The following PLEKHA6 variants were observed in gnomAD, a reference collection of about 807,000 sequenced individuals.
PLEKHA6 encodes the protein pleckstrin homology domain containing A6, also known as pleckstrin homology domain-containing family A member 6.
A neutral mutation model predicts 116.7 loss-of-function variants in PLEKHA6; 60 were observed. That is an observed-to-expected ratio of 0.51 (90% confidence interval 0.42 to 0.64). The LOEUF is 0.64. Ranked by LOEUF, PLEKHA6 falls within the 30% of genes least tolerant of loss-of-function variation. The pLI is 0.00. For missense variants in PLEKHA6, 1,338 were observed against 1,422.7 expected, an observed-to-expected ratio of 0.94 and a Z score of 0.96; for synonymous variants, 489 against 556.1, an observed-to-expected ratio of 0.88 and a Z score of 1.70.
chr1:204,264,397 T>G (rs1292955298), intron 6 of PLEKHA6, among the ~76,000 whole-genome samples: 1 of 152,180 alleles, frequency 6.6e-6, no homozygotes, highest in Non-Finnish European at 1.5e-5. Flanking sequence ...TCTCAAATGG[T>G]TTCTTCGTAA....
In PLEKHA6 at chr1:204,307,779, C is replaced by G. The variant is rs1057485130; in HGVS notation, c.-94-32970G>C. The G allele has an allele frequency of 1.5e-5, 11 of 716,336 alleles. No individual in the cohort carries two copies. The African/African-American group carries it at 1.9e-4, about 13-fold the overall frequency. 44.4% of individuals were successfully genotyped at this position (716,336 alleles called of 1,614,324 possible). A position where few individuals can be genotyped will look rare whatever the true frequency, so the allele number is the denominator to read the frequency against. On this transcript the variant is annotated intron_variant, in intron 1 of 22. Coordinates refer to ENST00000272203, the MANE Select transcript of PLEKHA6 (RefSeq NM_014935.5). ...CTGAGCTAGCCCAGCGGAGCTGAGC[C>G]CAGAGGTGCAGGCACTGGGAGAGAG... is the stretch of plus-strand genomic sequence containing the variant.
chr1:204,324,636 G>C (rs572573094), intron 1 of PLEKHA6, among the ~76,000 whole-genome samples: 6 of 152,366 alleles, frequency 3.9e-5, no homozygotes, highest in Admixed American at 6.5e-5. Flanking sequence ...ATGAGTGAAA[G>C]TGGAGAGACT....
chr1:204,358,768 G>A (rs1314559147), intron 1 of PLEKHA6, among the ~76,000 whole-genome samples: 2 of 151,778 alleles, frequency 1.3e-5, no homozygotes, highest in African/African-American at 4.8e-5. Context: ...TGTGCCCCGG[G>A]GATGGCTCTC....
chr1:204,346,004 G>A (rs906741043), intron 1 of PLEKHA6, among the ~76,000 whole-genome samples: 5 of 152,262 alleles, frequency 3.3e-5, no homozygotes, highest in Non-Finnish European at 1.5e-5. Context: ...AGCTCACCCT[G>A]CTAGCCACCA....
At chr1:204,271,996 C>A (rs116629249) in intron 3 of PLEKHA6, among the ~76,000 whole-genome samples, 15,748 of 151,952 alleles carry the variant, frequency 0.1, 941 homozygotes, top group Middle Eastern at 0.23. Flanking sequence ...TGTGCTGCAC[C>A]CATTGACTTA....
rs2102822034 is a variant in PLEKHA6, at chr1:204,264,969, G to T, written c.354C>A (p.Asp118Glu). Residue 118 changes from aspartate to glutamate, a missense_variant, in exon 6 of 23, where the codon GAC (aspartate) becomes GAA (glutamate). Asp to Glu is a conservative substitution (Grantham distance 45). Coordinates refer to ENST00000272203, the MANE Select transcript of PLEKHA6 (RefSeq NM_014935.5). ...TAAACGTGTGTTTCCGGCTGATGTT[G>T]TCTGAGGGCTGCACTGCGGCTACCC... ...SFRVAAVQPS[D>E]NISRKHTFKA... 1.2e-6 allele frequency: 2 copies of T among 1,613,936 alleles called. No homozygotes were observed. Among genetic ancestry groups the T allele is most frequent in the East Asian group, 4.5e-5 (2 of 44,872 alleles).
intron 1 of PLEKHA6, among the ~76,000 whole-genome samples, chr1:204,314,148 C>G (rs934630133): frequency 1.3e-5 from 2 of 152,122 alleles, no homozygotes; most frequent in Non-Finnish European, 2.9e-5. Flanking sequence ...TCCTGCCATC[C>G]TAGCATCTTG....
intron 1 of PLEKHA6, chr1:204,307,299 A>T (rs4587616): frequency 0.42 from 64,402 of 152,072 alleles, 14,214 homozygotes; most frequent in East Asian, 0.73. Context: ...CTGGCCCCAG[A>T]TCTTCCTAGC....
intron 9 of PLEKHA6, among the ~76,000 whole-genome samples, chr1:204,253,117 A>G (rs755880193): frequency 1.3e-5 from 2 of 152,188 alleles, no homozygotes; most frequent in African/African-American, 2.4e-5. Flanking sequence ...GCTCATTGAT[A>G]TTTTTGAGTT....
chr1:204,241,547 G>T, intron 16 of PLEKHA6, 66 bp from the exon 17 acceptor site: 1 of 1,414,078 alleles, frequency 7.1e-7, no homozygotes. Flanking sequence ...CTCCTTCTCA[G>T]AGACAATCTC....
chr1:204,370,381 G>T (rs529705485), intron 2 of PLEKHA6, among the ~76,000 whole-genome samples: 1 of 152,382 alleles, frequency 6.6e-6, no homozygotes, highest in South Asian at 2.1e-4. Context: ...GTCCGGTGAA[G>T]CGCTGGAAGG....
chr1:204,261,542 G>GCCCAACTGACTGCCCATTCT lies in PLEKHA6; in HGVS notation c.382-95_382-94insAGAATGGGCAGTCAGTTGGG. The GCCCAACTGACTGCCCATTCT allele has an allele frequency of 7.1e-7, 1 of 1,403,060 alleles. No individual in the cohort carries two copies. The highest frequency in any genetic ancestry group is 1.4e-5 in the South Asian group (1 of 71,674). The allele number at this position is 1,403,060 out of a possible 1,614,324, so 86.9% of individuals were successfully genotyped here. On this transcript the variant is annotated intron_variant, in intron 6 of 22. Coordinates refer to ENST00000272203, the MANE Select transcript of PLEKHA6 (RefSeq NM_014935.5). The surrounding 1 kb of genome is among the most constrained non-coding windows in gnomAD (Gnocchi z 4.0). ...AGAAGACACCAACGCCCACAGAATG[G>GCCCAACTGACTGCCCATTCT]GCAGTCAGTTGGGCCATTCCCTGCA...
chr1:204,327,530 C>A (rs1046508830), intron 1 of PLEKHA6, among the ~76,000 whole-genome samples: 3 of 152,274 alleles, frequency 2.0e-5, no homozygotes, highest in Non-Finnish European at 4.4e-5. Flanking sequence ...CGCTGAGAGC[C>A]CCGTCGTTGA....
chr1:204,371,246 G>A (rs548450894), intron 2 of PLEKHA6, among the ~76,000 whole-genome samples: 5 of 152,204 alleles, frequency 3.3e-5, no homozygotes, highest in African/African-American at 1.2e-4. Context: ...TTGAGACAGG[G>A]GATTTTCTGA....
intron 1 of PLEKHA6, among the ~76,000 whole-genome samples, chr1:204,301,757 G>C (rs921823184): frequency 6.6e-6 from 1 of 152,196 alleles, no homozygotes. Flanking sequence ...TGTTTCTCCT[G>C]ATGCTGTTTC....
At position 204,261,940 on chromosome 1, in the gene PLEKHA6, A is replaced by G. The variant is rs1009360237; in HGVS notation, c.382-492T>C. 7 of 177,372 alleles carry G rather than the reference A, an allele frequency of 3.9e-5. No individual in the cohort carries two copies. In the Admixed American group the frequency reaches 4.1e-4, roughly 10 times the overall value. The allele number at this position is 177,372 out of a possible 1,614,324, so 11.0% of individuals were successfully genotyped here. Reference sequence around the variant, plus strand: ...GCAGGCATGCAAAGCAGGCACTGGCATACAGATGGGGCACACTACCTAGTT... The same window carrying G: ...GCAGGCATGCAAAGCAGGCACTGGCGTACAGATGGGGCACACTACCTAGTT... On this transcript the variant is annotated intron_variant, in intron 6 of 22. Transcript: ENST00000272203. The surrounding 1 kb of genome is among the most constrained non-coding windows in gnomAD (Gnocchi z 4.0).
At chr1:204,286,321 A>T (rs1329059724) in intron 1 of PLEKHA6, among the ~76,000 whole-genome samples, 3 of 152,096 alleles carry the variant, frequency 2.0e-5, no homozygotes, top group African/African-American at 7.2e-5. Flanking sequence ...GCAGTCAGAC[A>T]AGGGACACTG....
intron 17 of PLEKHA6, among the ~76,000 whole-genome samples, chr1:204,231,969 C>A (rs1429539936): frequency 6.6e-6 from 1 of 151,912 alleles, no homozygotes; most frequent in East Asian, 1.9e-4. Flanking sequence ...ATGCGGAACC[C>A]GGAGATATGG....
Position 204,261,941 on chromosome 1 carries a change from T to C in PLEKHA6, c.382-493A>G, listed in dbSNP as rs1182235895. 1 of 175,460 alleles carries C rather than the reference T, an allele frequency of 5.7e-6. No homozygotes were observed. Among genetic ancestry groups the C allele is most frequent in the Non-Finnish European group, 1.2e-5 (1 of 83,570 alleles). The allele number at this position is 175,460 out of a possible 1,614,324, so 10.9% of individuals were successfully genotyped here. On this transcript the variant is annotated intron_variant, in intron 6 of 22. Transcript: ENST00000272203. The surrounding 1 kb of genome is among the most constrained non-coding windows in gnomAD (Gnocchi z 4.0). ...CAGGCATGCAAAGCAGGCACTGGCA[T>C]ACAGATGGGGCACACTACCTAGTTG... is the stretch of plus-strand genomic sequence containing the variant.
Sources: allele counts gnomAD v4.1 joint callset (sites outside exome capture counted in the v4.1 genomes callset), GRCh38; gene constraint gnomAD v4.1.1; non-coding constraint Gnocchi (gnomAD v3.1); transcripts MANE v1.5; gene names NCBI Gene and HGNC (gene_info 2026-07-23, HGNC 2026-07-21).